The following CNTN3 variants were observed in gnomAD, a reference collection of about 807,000 sequenced individuals.
CNTN3 encodes contactin 3, also known as contactin-3.
CNTN3 carries 60 observed loss-of-function variants against 119.1 expected under a neutral mutation model. The observed-to-expected ratio is 0.50, with a 90% CI of 0.41 to 0.62. The LOEUF (loss-of-function observed/expected upper bound fraction) is 0.62. CNTN3 is among the 20% of genes least tolerant of loss of function. The pLI, the probability that CNTN3 is intolerant of heterozygous loss-of-function variation, is 0.00. For synonymous variants in CNTN3, 450 were observed against 438.7 expected (o/e 1.03, Z -0.32); for missense variants, 1,101 against 1,242.4 (o/e 0.89, Z 1.71).
intron 20 of CNTN3, 101 bp from the exon 21 acceptor site, chr3:74,267,479 C>G: frequency 1.3e-6 from 1 of 773,138 alleles, no homozygotes; most frequent in Non-Finnish European, 2.3e-6. Context: ...GGAAGTAGAA[C>G]GGGATGCCTT....
chr3:74,531,976 T>G (rs192156116), intron 1 of CNTN3, among the ~76,000 whole-genome samples: 1 of 151,968 alleles, frequency 6.6e-6, no homozygotes, highest in Non-Finnish European at 1.5e-5. Context: ...ATGTAAACTT[T>G]ACCTCAATAA....
chr3:74,377,068 C>T (rs926727160), intron 5 of CNTN3, among the ~76,000 whole-genome samples: 2 of 151,880 alleles, frequency 1.3e-5, no homozygotes, highest in African/African-American at 4.8e-5. Context: ...ACTACAACCC[C>T]CAAACAAATA....
chr3:74,521,951 C>T (rs150899115), intron 1 of CNTN3, among the ~76,000 whole-genome samples: 67 of 151,784 alleles, frequency 4.4e-4, no homozygotes, highest in African/African-American at 1.5e-3. Context: ...TGGTACCACA[C>T]GGGGAATTAA....
intron 13 of CNTN3, among the ~76,000 whole-genome samples, chr3:74,323,178 T>C (rs944201564): frequency 2.0e-5 from 3 of 152,120 alleles, no homozygotes; most frequent in African/African-American, 7.2e-5. Context: ...GTTCATAGAT[T>C]ATAAAAAATG....
At chr3:74,532,289 T>G (rs554540714) in intron 1 of CNTN3, among the ~76,000 whole-genome samples, 1 of 151,936 alleles carries the variant, frequency 6.6e-6, no homozygotes, top group African/African-American at 2.4e-5. Context: ...CCATGATTAA[T>G]GGTTTTCAGT....
At chr3:74,502,436 A>C (rs916936885) in intron 2 of CNTN3, among the ~76,000 whole-genome samples, 6 of 152,144 alleles carry the variant, frequency 3.9e-5, no homozygotes, top group African/African-American at 1.4e-4. Flanking sequence ...AAAAATGTTA[A>C]ACTACTAGGA....
At chr3:74,411,862 C>A (rs1701444367) in intron 5 of CNTN3, among the ~76,000 whole-genome samples, 1 of 152,110 alleles carries the variant, frequency 6.6e-6, no homozygotes, top group Non-Finnish European at 1.5e-5. Context: ...CAGAATGTGG[C>A]AGGCTGTATA....
chr3:74,462,552 T>C (rs1490589098), intron 4 of CNTN3, among the ~76,000 whole-genome samples: 6 of 152,064 alleles, frequency 3.9e-5, no homozygotes, highest in Non-Finnish European at 8.8e-5. Flanking sequence ...TTAGATTGGA[T>C]ATCAGCCAGT....
At chr3:74,563,420 A>G (rs1195025347) in intron 1 of CNTN3, among the ~76,000 whole-genome samples, 1 of 152,134 alleles carries the variant, frequency 6.6e-6, no homozygotes, top group Non-Finnish European at 1.5e-5. Flanking sequence ...ACATGTTAAC[A>G]GTTTTTTCAT....
intron 1 of CNTN3, among the ~76,000 whole-genome samples, chr3:74,537,221 C>T (rs1703778248): frequency 6.6e-6 from 1 of 152,108 alleles, no homozygotes; most frequent in South Asian, 2.1e-4. Context: ...TGCATCCTCA[C>T]AAGTACCCAA....
chr3:74,298,039 T>C lies in CNTN3; in HGVS notation c.2319A>G (p.Pro773=), dbSNP rs1702376707. 2 of 1,614,106 alleles carry C rather than the reference T, an allele frequency of 1.2e-6. No individual in the cohort carries two copies. Among genetic ancestry groups the C allele is most frequent in the Non-Finnish European group, 1.7e-6 (2 of 1,179,982 alleles). ...FRNESIVPYS[P]YEVKVGVYNN... ...TATAAACACCCACTTTAACTTCATATGGTGAATATGGCACGATGCTTTCAT... is the reference window on the plus strand; with the variant it reads ...TATAAACACCCACTTTAACTTCATACGGTGAATATGGCACGATGCTTTCAT... The change falls in exon 18 of 23, where the codon CCA becomes CCG. Residue 773 remains proline, a synonymous_variant. Transcript: ENST00000263665.
intron 4 of CNTN3, among the ~76,000 whole-genome samples, chr3:74,482,220 G>C (rs1702775783): frequency 6.6e-6 from 1 of 151,814 alleles, no homozygotes; most frequent in Non-Finnish European, 1.5e-5. Context: ...AAGTACTACA[G>C]AAAATATTAG....
intron 1 of CNTN3, among the ~76,000 whole-genome samples, chr3:74,598,924 A>G (rs750067116): frequency 2.6e-4 from 40 of 152,204 alleles, no homozygotes; most frequent in Non-Finnish European, 4.9e-4. Context: ...AATTGCTATC[A>G]TAACAAAGAG....
chr3:74,485,130 T>C (rs958008247), intron 4 of CNTN3, among the ~76,000 whole-genome samples: 2 of 151,658 alleles, frequency 1.3e-5, no homozygotes, highest in African/African-American at 4.9e-5. Context: ...TTTATACATA[T>C]CCAAACATAT....
At chr3:74,408,944 A>G (rs978312946) in intron 5 of CNTN3, among the ~76,000 whole-genome samples, 6 of 152,048 alleles carry the variant, frequency 3.9e-5, no homozygotes, top group Non-Finnish European at 7.4e-5. Flanking sequence ...TCACTCTATT[A>G]TATTATTTTT....
At chr3:74,434,594 T>A (rs1701836523) in intron 4 of CNTN3, among the ~76,000 whole-genome samples, 1 of 152,188 alleles carries the variant, frequency 6.6e-6, no homozygotes, top group South Asian at 2.1e-4. Context: ...CTAGGTGCAA[T>A]CCCTTGGCTG....
chr3:74,491,967 G>A (rs893536983), intron 3 of CNTN3, among the ~76,000 whole-genome samples: 15 of 152,092 alleles, frequency 9.9e-5, no homozygotes, highest in African/African-American at 3.6e-4. Flanking sequence ...TGTCTCTTGG[G>A]GCTACACACC....
At chr3:74,592,903 C>A (rs1439371006) in intron 1 of CNTN3, among the ~76,000 whole-genome samples, 3 of 151,964 alleles carry the variant, frequency 2.0e-5, no homozygotes, top group Non-Finnish European at 4.4e-5. Context: ...ACTAATTCAG[C>A]AACTGCTGCC....
intron 2 of CNTN3, among the ~76,000 whole-genome samples, chr3:74,516,938 T>C (rs1205056162): frequency 7.2e-5 from 11 of 151,912 alleles, no homozygotes; most frequent in Non-Finnish European, 2.9e-5. Flanking sequence ...AAATGGAACC[T>C]CTGGCCTATA....
Sources: gnomAD v4.1 joint callset for allele counts (sites outside exome capture counted in the v4.1 genomes callset) on GRCh38, gnomAD v4.1.1 for gene constraint, MANE v1.5 for transcripts, NCBI Gene and HGNC (gene_info 2026-07-23, HGNC 2026-07-21) for gene names.